PDE4D: variants seen among roughly 807,000 people sequenced by gnomAD.
PDE4D encodes phosphodiesterase 4D, also known as 3',5'-cyclic-AMP phosphodiesterase 4D.
A neutral mutation model predicts 87.4 loss-of-function variants in PDE4D; 24 were observed. The ratio of observed to expected loss-of-function variants is 0.27; its 90% CI spans 0.20 to 0.39. The LOEUF (loss-of-function observed/expected upper bound fraction) is 0.39, where lower values mean the gene tolerates loss of function less well. Among genes scored for constraint, PDE4D ranks in the 10% least tolerant of loss-of-function variants. The pLI, the probability that PDE4D is intolerant of heterozygous loss-of-function variation, is 1.00. For synonymous variants in PDE4D, 384 were observed against 383.2 expected (o/e 1.00, Z -0.02); for missense variants, 714 against 1,041.0 (o/e 0.69, Z 4.32).
chr5:59,367,975 C>T (rs1006824290), intron 1 of PDE4D, among the ~76,000 whole-genome samples: 12 of 152,230 alleles, frequency 7.9e-5, no homozygotes, highest in African/African-American at 2.9e-4. Context: ...GTTTGCACAG[C>T]GCCCTCTTGT....
chr5:60,269,262 G>A (rs1271247047), intron 1 of PDE4D, among the ~76,000 whole-genome samples: 7 of 152,292 alleles, frequency 4.6e-5, no homozygotes, highest in Admixed American at 1.3e-4. Context: ...AGCCGAAATC[G>A]TGCCACTGCA....
At chr5:59,061,039 T>G (rs1763041048) in intron 5 of PDE4D, among the ~76,000 whole-genome samples, 1 of 152,156 alleles carries the variant, frequency 6.6e-6, no homozygotes, top group Non-Finnish European at 1.5e-5. Context: ...GTTCATATAT[T>G]TATTGGTGTT....
intron 11 of PDE4D, among the ~76,000 whole-genome samples, chr5:58,985,025 TC>T (rs1405441683): frequency 2.6e-5 from 4 of 152,184 alleles, no homozygotes; most frequent in African/African-American, 9.7e-5. Context: ...TTCTCCTGCC[TC>T]AGCCACCTGA....
At chr5:59,803,384 C>T (rs1448193928) in intron 1 of PDE4D, among the ~76,000 whole-genome samples, 1 of 151,652 alleles carries the variant, frequency 6.6e-6, no homozygotes, top group Non-Finnish European at 1.5e-5. Context: ...CTGCAACCTC[C>T]GCCCCCCGGG....
At chr5:59,701,757 A>C (rs897979081) in intron 1 of PDE4D, among the ~76,000 whole-genome samples, 12 of 152,200 alleles carry the variant, frequency 7.9e-5, no homozygotes, top group African/African-American at 2.9e-4. Context: ...GTTGATGTGA[A>C]TCTTCTTCAC....
At chr5:59,521,589 T>C (rs1302991828) in intron 1 of PDE4D, among the ~76,000 whole-genome samples, 1 of 152,206 alleles carries the variant, frequency 6.6e-6, no homozygotes, top group African/African-American at 2.4e-5. Context: ...CTCTAAACTA[T>C]TTTTGAATAA....
chr5:60,154,838 C>T lies in PDE4D; in HGVS notation c.42+30719G>A, dbSNP rs868821725. 5.3e-5 allele frequency among the ~76,000 whole-genome samples: 8 copies of T among 152,138 alleles called. No individual in the cohort carries two copies. The South Asian group carries it at 8.3e-4, about 16-fold the overall frequency. On this transcript the variant is annotated intron_variant, in intron 2 of 16. Transcript: ENST00000502484. ...TGTTTAAATGGAATCATATAGTATGCATTCTTTTGTGCCTGGCAACCTTAT... is the reference window on the plus strand; with the variant it reads ...TGTTTAAATGGAATCATATAGTATGTATTCTTTTGTGCCTGGCAACCTTAT...
At chr5:60,415,806 A>C (rs1742475994) in intron 1 of PDE4D, among the ~76,000 whole-genome samples, 1 of 152,232 alleles carries the variant, frequency 6.6e-6, no homozygotes, top group Non-Finnish European at 1.5e-5. Flanking sequence ...GTGCAGGCGT[A>C]GGGCGCGGGA....
chr5:59,263,475 G>T lies in PDE4D; in HGVS notation c.456-47507C>A, dbSNP rs73760118. Among the ~76,000 whole-genome samples, 813 of 152,040 alleles carry T rather than the reference G, an allele frequency of 5.3e-3. 8 individuals carry two copies. The highest frequency in any genetic ancestry group is 0.019 in the African/African-American group (778 of 41,536). The stretch of plus-strand genomic sequence containing the variant: ...CCACTGAGGGTGAATCTAAGCAACA[G>T]AATTTGGATATTAAATCATACTAAA... On this transcript the variant is annotated intron_variant, in intron 1 of 14. Transcript: ENST00000340635.
chr5:60,183,921 A>G (rs1001934544), intron 2 of PDE4D, among the ~76,000 whole-genome samples: 2 of 152,188 alleles, frequency 1.3e-5, no homozygotes, highest in Non-Finnish European at 2.9e-5. Context: ...GCTTAGAGTC[A>G]TTTAATTAAG....
At chr5:59,250,880 ACCTAGGAC>A (rs1241828515) in intron 1 of PDE4D, among the ~76,000 whole-genome samples, 8 of 152,122 alleles carry the variant, frequency 5.3e-5, no homozygotes, top group Non-Finnish European at 1.2e-4. Context: ...AAAACTGCAC[ACCTAGGAC>A]CATCTGATCT....
chr5:59,627,216 T>G (rs536503457), intron 1 of PDE4D, among the ~76,000 whole-genome samples: 1 of 152,310 alleles, frequency 6.6e-6, no homozygotes, highest in African/African-American at 2.4e-5. Flanking sequence ...TTCCTCAAAT[T>G]TAACTGGATG....
At chr5:59,469,171 CA>C (rs911355428) in intron 1 of PDE4D, among the ~76,000 whole-genome samples, 1 of 151,816 alleles carries the variant, frequency 6.6e-6, no homozygotes, top group Non-Finnish European at 1.5e-5. Context: ...ACTAAAAATA[CA>C]AAAAAATTAG....
chr5:60,468,368 A>C (rs2409102), intron 1 of PDE4D, among the ~76,000 whole-genome samples: 27,607 of 151,712 alleles, frequency 0.18, 4,143 homozygotes, highest in African/African-American at 0.41. Context: ...TGAACTCCTG[A>C]GTTCAAACAA....
intron 1 of PDE4D, among the ~76,000 whole-genome samples, chr5:59,272,352 T>C (rs192898840): frequency 1.1e-3 from 173 of 152,150 alleles, no homozygotes; most frequent in African/African-American, 4.0e-3. Flanking sequence ...TATAAAAGTG[T>C]TAAAGAGATA....
At chr5:59,494,262 G>A (rs1005279285) in intron 1 of PDE4D, among the ~76,000 whole-genome samples, 17 of 152,126 alleles carry the variant, frequency 1.1e-4, no homozygotes, top group African/African-American at 3.6e-4. Flanking sequence ...ATGTAATAAA[G>A]GCACTTTCTA....
intron 1 of PDE4D, among the ~76,000 whole-genome samples, chr5:59,293,515 G>A (rs1006831580): frequency 6.6e-6 from 1 of 152,096 alleles, no homozygotes; most frequent in South Asian, 2.1e-4. Flanking sequence ...TTAAAACTCC[G>A]ATTCCCATTC....
intron 5 of PDE4D, among the ~76,000 whole-genome samples, chr5:59,045,699 T>C: frequency 6.6e-6 from 1 of 151,936 alleles, no homozygotes. Context: ...ATGTCAGGCA[T>C]CTGCAGGTAG....
chr5:60,158,899 C>A (rs1782234647), intron 2 of PDE4D, among the ~76,000 whole-genome samples: 1 of 152,294 alleles, frequency 6.6e-6, no homozygotes, highest in East Asian at 1.9e-4. Flanking sequence ...TTTACATTTT[C>A]TTTCTTCAAT....
Sources: gnomAD v4.1 joint callset for allele counts (sites outside exome capture counted in the v4.1 genomes callset) on GRCh38, gnomAD v4.1.1 for gene constraint, MANE v1.5 for transcripts, NCBI Gene and HGNC (gene_info 2026-07-23, HGNC 2026-07-21) for gene names.